The following DSE variants were observed in gnomAD, a reference collection of about 807,000 sequenced individuals.
DSE encodes the protein dermatan sulfate epimerase.
In DSE, 36 loss-of-function variants were observed where a neutral mutation model predicts 84.4. The ratio of observed to expected loss-of-function variants is 0.43; its 90% CI spans 0.33 to 0.56. The LOEUF (loss-of-function observed/expected upper bound fraction) is 0.56. DSE is among the 20% of genes least tolerant of loss of function. DSE has a pLI of 0.06. For synonymous variants in DSE, 410 were observed against 430.1 expected, an observed-to-expected ratio of 0.95 and a Z score of 0.58; for missense variants, 862 against 1,169.6, an observed-to-expected ratio of 0.74 and a Z score of 3.84.
rs954277000 is a variant in DSE, at chr6:116,352,936, C to T, written c.-53-46262C>T. On this transcript the variant is annotated intron_variant, in intron 2 of 3. Transcript: ENST00000430252. ...CCCCTCCTCCTTCCTCTCTCTCTTT[C>T]TCTCTTCCAGAATGAATGATTTGTA... Among the ~76,000 whole-genome samples the T allele has an allele frequency of 2.6e-5, 4 of 152,258 alleles. 1 individual carries two copies. Among genetic ancestry groups the T allele is most frequent in the African/African-American group, 2.4e-5 (1 of 41,532 alleles).
chr6:116,426,960 G>A, intron 3 of DSE, 133 bp downstream of exon 3: 2 of 1,218,808 alleles, frequency 1.6e-6, no homozygotes, highest in Non-Finnish European at 2.2e-6. Flanking sequence ...ATGAAATGAA[G>A]TAGTCCCTAC....
intron 2 of DSE, among the ~76,000 whole-genome samples, chr6:116,262,715 T>G (rs1175288895): frequency 2.0e-5 from 3 of 152,214 alleles, no homozygotes; most frequent in Non-Finnish European, 4.4e-5. Flanking sequence ...GGTTTTTAAC[T>G]TAAGATCTTT....
chr6:116,440,112 A>T lies in DSE; in HGVS notation c.*2767A>T, dbSNP rs1784381325. 1 of 152,172 alleles carries T rather than the reference A, an allele frequency of 6.6e-6. No homozygotes were observed. Among genetic ancestry groups the T allele is most frequent in the East Asian group, 1.9e-4 (1 of 5,204 alleles). The allele number at this position is 152,172 out of a possible 1,614,324, so 9.4% of individuals were successfully genotyped here. A position where few individuals can be genotyped will look rare whatever the true frequency, so the allele number is the denominator to read the frequency against. ...AGTCAGGTGGAAGACCGTGTTCTGG[A>T]ACTATTTTAATTGTTAAAATGTATC... On this transcript the variant is annotated 3_prime_UTR_variant, in exon 6 of 6. Transcript: ENST00000644252.
intron 1 of DSE, among the ~76,000 whole-genome samples, chr6:116,382,914 A>G (rs1780332208): frequency 6.6e-6 from 1 of 152,220 alleles, no homozygotes; most frequent in Admixed American, 6.5e-5. Flanking sequence ...GGTTTAAAAG[A>G]GTATATGGAC....
intron 2 of DSE, among the ~76,000 whole-genome samples, chr6:116,332,566 T>TAGGATAATTAGGATAGTA (rs1777016107): frequency 6.6e-6 from 1 of 152,130 alleles, no homozygotes; most frequent in Non-Finnish European, 1.5e-5. Context: ...AGTACAGTAT[T>TAGGATAATTAGGATAGTA]GGGGTAAGAA....
chr6:116,416,248 A>T (rs1782700412), intron 2 of DSE, among the ~76,000 whole-genome samples: 1 of 152,002 alleles, frequency 6.6e-6, no homozygotes, highest in African/African-American at 2.4e-5. Context: ...GTTTTAAATC[A>T]TATCTACAAA....
intron 2 of DSE, among the ~76,000 whole-genome samples, chr6:116,344,885 A>T (rs1289688647): frequency 6.6e-6 from 1 of 152,148 alleles, no homozygotes; most frequent in African/African-American, 2.4e-5. Flanking sequence ...GACCCATCTC[A>T]TGTGCAGAGA....
Position 116,399,681 on chromosome 6 carries a change from T to C in DSE, c.416+15T>C, listed in dbSNP as rs1206032036. 8.1e-6 allele frequency: 13 copies of C among 1,606,280 alleles called. No individual in the cohort carries two copies. Among genetic ancestry groups the C allele is most frequent in the African/African-American group, 1.3e-5 (1 of 74,720 alleles). ...CAGCCTAGTTGGTAGATTTTTGTCTTGTTCTTCTTACTGTGGTAACTCTGC... is the reference window on the plus strand; with the variant it reads ...CAGCCTAGTTGGTAGATTTTTGTCTCGTTCTTCTTACTGTGGTAACTCTGC... On this transcript the variant is annotated intron_variant, in intron 2 of 5. Coordinates refer to ENST00000644252, the MANE Select transcript of DSE (RefSeq NM_013352.4).
At chr6:116,409,451 G>A (rs1782165231) in intron 2 of DSE, among the ~76,000 whole-genome samples, 1 of 151,932 alleles carries the variant, frequency 6.6e-6, no homozygotes, top group Non-Finnish European at 1.5e-5. Flanking sequence ...CTAATTTTTT[G>A]TATTTTTTTA....
At chr6:116,389,840 A>T (rs1780784322) in intron 1 of DSE, among the ~76,000 whole-genome samples, 1 of 152,080 alleles carries the variant, frequency 6.6e-6, no homozygotes, top group Non-Finnish European at 1.5e-5. Context: ...TTAAAAATAT[A>T]TTGCAAATTT....
chr6:116,405,776 T>G (rs1781883300), intron 2 of DSE, among the ~76,000 whole-genome samples: 1 of 152,160 alleles, frequency 6.6e-6, no homozygotes, highest in African/African-American at 2.4e-5. Flanking sequence ...CAAGGTCAGG[T>G]GCCCTGTGGT....
chr6:116,314,639 G>T (rs1297526172), intron 2 of DSE, among the ~76,000 whole-genome samples: 2 of 152,156 alleles, frequency 1.3e-5, no homozygotes, highest in Non-Finnish European at 2.9e-5. Flanking sequence ...GAAATGGTCA[G>T]ATTTGCTTTA....
At chr6:116,367,158 C>T (rs1779212098), upstream of DSE, 1 of 152,284 alleles carries the variant, frequency 6.6e-6, no homozygotes, top group African/African-American at 2.4e-5. Context: ...TGGAGGATGC[C>T]TGGCCAGGGC....
intron 2 of DSE, among the ~76,000 whole-genome samples, chr6:116,405,343 A>G (rs774450567): frequency 7.9e-5 from 12 of 152,130 alleles, no homozygotes; most frequent in Non-Finnish European, 1.5e-4. Flanking sequence ...TAAAAAGATC[A>G]GGTTTTCTTC....
intron 2 of DSE, among the ~76,000 whole-genome samples, chr6:116,348,199 G>A (rs141093303): frequency 0.01 from 1,565 of 152,268 alleles, 13 homozygotes; most frequent in Non-Finnish European, 0.014. Flanking sequence ...AGGCCAAAGC[G>A]GGTGGATTGT....
chr6:116,346,350 C>CA (rs772190914), intron 2 of DSE, among the ~76,000 whole-genome samples: 3 of 152,148 alleles, frequency 2.0e-5, no homozygotes, highest in Non-Finnish European at 4.4e-5. Context: ...CCCTGATGAA[C>CA]ATCGATGCAA....
chr6:116,355,027 A>G (rs533993005), intron 2 of DSE, among the ~76,000 whole-genome samples: 7 of 152,338 alleles, frequency 4.6e-5, no homozygotes, highest in African/African-American at 1.4e-4. Context: ...ACATACATAT[A>G]TAAAGGCACA....
chr6:116,333,522 CAATT>C (rs1165837578), intron 2 of DSE, among the ~76,000 whole-genome samples: 3 of 152,180 alleles, frequency 2.0e-5, no homozygotes, highest in Non-Finnish European at 4.4e-5. Context: ...GTTACATTGG[CAATT>C]AATTTTCAAC....
At chr6:116,317,142 G>C (rs573959910) in intron 2 of DSE, among the ~76,000 whole-genome samples, 14 of 152,318 alleles carry the variant, frequency 9.2e-5, no homozygotes, top group Admixed American at 8.5e-4. Context: ...TGAAAACTTA[G>C]CAAGGCTGTT....
Sources: gnomAD v4.1 joint callset for allele counts (sites outside exome capture counted in the v4.1 genomes callset) on GRCh38, gnomAD v4.1.1 for gene constraint, MANE v1.5 for transcripts, NCBI Gene and HGNC (gene_info 2026-07-23, HGNC 2026-07-21) for gene names.